Variants in PLEKHG5 observed in about 807,000 individuals in gnomAD.
The protein encoded by PLEKHG5 is pleckstrin homology and RhoGEF domain containing G5, also known as pleckstrin homology domain-containing family G member 5.
Under a neutral mutation model 103.8 loss-of-function variants are expected in PLEKHG5, and 52 were observed. That is an observed-to-expected ratio of 0.50 (90% CI 0.40 to 0.63). The LOEUF is 0.63. Among genes scored for constraint, PLEKHG5 ranks in the 30% least tolerant of loss-of-function variants. PLEKHG5 has a pLI of 0.00. For missense variants in PLEKHG5, 1,205 were observed against 1,347.6 expected (o/e 0.89, Z 1.66); for synonymous variants, 592 against 575.5 (o/e 1.03, Z -0.41).
chr1:6,491,393 G>C lies in PLEKHG5; in HGVS notation c.-88+244C>G, dbSNP rs1231865529. The stretch of plus-strand genomic sequence containing the variant: ...ACTAGGGCAGCTCCTGGCTGGGCCA[G>C]GGATCCCCACGTCTTCACCTGCTCC... On this transcript the variant is annotated intron_variant, in intron 1 of 20. Transcript: ENST00000377728. The surrounding 1 kb of genome is among the most constrained non-coding windows in gnomAD (Gnocchi z 4.1). 6.6e-6 allele frequency among the ~76,000 whole-genome samples: 1 copy of C among 152,168 alleles called. No homozygotes were observed. Among genetic ancestry groups the C allele is most frequent in the Non-Finnish European group, 1.5e-5 (1 of 68,028 alleles).
intron 2 of PLEKHG5, among the ~76,000 whole-genome samples, chr1:6,477,031 C>T (rs1481439976): frequency 1.3e-5 from 2 of 152,164 alleles, no homozygotes; most frequent in Non-Finnish European, 2.9e-5. Flanking sequence ...TCTCACCAGG[C>T]CTGGGTGCCT....
chr1:6,519,771 A>G, exon 1 of PLEKHG5: 1 of 585,250 alleles, frequency 1.7e-6, no homozygotes, highest in South Asian at 2.0e-5. Context: ...TTGAAGGCAC[A>G]GACTTCGCAG....
intron 1 of PLEKHG5, among the ~76,000 whole-genome samples, chr1:6,507,299 T>C (rs1483621906): frequency 2.0e-5 from 3 of 152,162 alleles, no homozygotes; most frequent in Non-Finnish European, 4.4e-5. Context: ...AGAACTTGTA[T>C]TTGACCCCAA....
chr1:6,480,449 G>A (rs1019584894), intron 1 of PLEKHG5, among the ~76,000 whole-genome samples: 17 of 151,308 alleles, frequency 1.1e-4, no homozygotes, highest in Admixed American at 9.2e-4. Flanking sequence ...AGAATTGCTT[G>A]AACCGGGGGC....
chr1:6,474,197 C>A (rs1569876956), intron 6 of PLEKHG5, 33 bp from the exon 7 acceptor site: 3 of 1,611,972 alleles, frequency 1.9e-6, no homozygotes, highest in African/African-American at 1.3e-5. Context: ...ATCCTCAGTA[C>A]CCTGGTCTGG....
intron 11 of PLEKHG5, 47 bp from the exon 12 acceptor site, chr1:6,471,684 A>G (rs750820256): frequency 6.4e-7 from 1 of 1,572,772 alleles, no homozygotes; most frequent in South Asian, 1.2e-5. Context: ...CCGCCAGGTT[A>G]GCCCCGCCCC....
rs546380148 is a variant in PLEKHG5 at position 6,505,716 on chromosome 1, G to C, written c.-164-9147C>G. 6.6e-6 allele frequency among the ~76,000 whole-genome samples: 1 copy of C among 152,368 alleles called. No individual in the cohort carries two copies. The highest frequency in any genetic ancestry group is 1.5e-5 in the Non-Finnish European group (1 of 68,034). The stretch of plus-strand genomic sequence containing the variant: ...AGAAAACACCATGGCCTGATCTTGC[G>C]GGCGGGGTGAGAGCAGAGGCAGAGG... On this transcript the variant is annotated intron_variant, in intron 1 of 21. Transcript: ENST00000377740. This position sits in a 1 kb window ranked among gnomAD's most constrained non-coding sequence, Gnocchi z 4.2.
intron 1 of PLEKHG5, among the ~76,000 whole-genome samples, chr1:6,516,740 T>C (rs1367910165): frequency 7.6e-6 from 1 of 131,558 alleles, no homozygotes; most frequent in Non-Finnish European, 1.6e-5. Flanking sequence ...TGTGTGTATA[T>C]ATATGTGTGT....
intron 1 of PLEKHG5, among the ~76,000 whole-genome samples, chr1:6,507,750 G>A (rs902224661): frequency 2.6e-5 from 4 of 152,206 alleles, no homozygotes; most frequent in Non-Finnish European, 5.9e-5. Flanking sequence ...CGAACCATAT[G>A]CCTGCCTGGC....
rs1227294827 is a variant in PLEKHG5, at chr1:6,490,564, T to G, written c.-88+1073A>C. Reference sequence around the variant, plus strand: ...GACGGGAGCCGCGGGACGGGCTCAGTCGACTCAGCGCAAACTGGGGCGCGG... The same window carrying G: ...GACGGGAGCCGCGGGACGGGCTCAGGCGACTCAGCGCAAACTGGGGCGCGG... On this transcript the variant is annotated intron_variant, in intron 1 of 20. Coordinates refer to ENST00000377728, the MANE Select transcript of PLEKHG5 (RefSeq NM_020631.6). This position sits in a 1 kb window ranked among gnomAD's most constrained non-coding sequence, Gnocchi z 8.0. The G allele has an allele frequency of 4.1e-6, 4 of 985,106 alleles. No homozygotes were observed. The highest frequency in any genetic ancestry group is 4.8e-6 in the Non-Finnish European group (4 of 829,960). The allele number at this position is 985,106 out of a possible 1,614,324, so 61.0% of individuals were successfully genotyped here. A position where few individuals can be genotyped will look rare whatever the true frequency, so the allele number is the denominator to read the frequency against.
At position 6,469,554 on chromosome 1, in the gene PLEKHG5, T is replaced by G; in HGVS notation, c.1923A>C (p.Leu641=). The G allele has an allele frequency of 1.2e-6, 2 of 1,613,840 alleles. No individual in the cohort carries two copies. Among genetic ancestry groups the G allele is most frequent in the Non-Finnish European group, 1.7e-6 (2 of 1,180,030 alleles). The part of the protein sequence containing the change: ...LLVDKIVCRE[L]RDPGSFLLIY... Reference sequence around the variant, plus strand: ...ACCAGGGCTCCTTACCAGGGTCCCGTAGCTCCCGGCACACAATCTTGTCCA... The same window carrying G: ...ACCAGGGCTCCTTACCAGGGTCCCGGAGCTCCCGGCACACAATCTTGTCCA... Residue 641 remains leucine, a synonymous_variant, in exon 17 of 21, where the codon CTA becomes CTC. Coordinates refer to ENST00000377728, the MANE Select transcript of PLEKHG5 (RefSeq NM_020631.6).
At position 6,469,366 on chromosome 1, in the gene PLEKHG5, C is replaced by T. The variant is rs773620744; in HGVS notation, c.2018G>A (p.Arg673His). 8.1e-6 allele frequency: 13 copies of T among 1,614,026 alleles called. No homozygotes were observed. The highest frequency in any genetic ancestry group is 6.6e-5 in the South Asian group (6 of 91,078). Residue 673 changes from arginine to histidine, a missense_variant, in exon 18 of 21, where the codon CGT (arginine) becomes CAT (histidine). Transcript: ENST00000377728. Reference protein sequence around the residue: ...TFQASGQALCRGWVDTIYNAQ... With the variant: ...TFQASGQALCHGWVDTIYNAQ... ...ATTGTAAATGGTGTCCACCCAGCCACGGCACAAGGCCTGGCCACTGGCCTG... is the reference window on the plus strand; with the variant it reads ...ATTGTAAATGGTGTCCACCCAGCCATGGCACAAGGCCTGGCCACTGGCCTG...
intron 1 of PLEKHG5, among the ~76,000 whole-genome samples, chr1:6,515,606 C>G (rs1394761004): frequency 1.3e-5 from 2 of 151,682 alleles, no homozygotes; most frequent in Non-Finnish European, 2.9e-5. Context: ...GTGGGAGAAT[C>G]ATTTGAGGCC....
At chr1:6,519,143 C>T (rs888522789) in intron 1 of PLEKHG5, among the ~76,000 whole-genome samples, 1 of 152,194 alleles carries the variant, frequency 6.6e-6, no homozygotes, top group Non-Finnish European at 1.5e-5. Flanking sequence ...CGCCCAGCAA[C>T]CCTTCGGCAT....
At chr1:6,514,176 T>C (rs1638551762) in intron 1 of PLEKHG5, among the ~76,000 whole-genome samples, 1 of 152,064 alleles carries the variant, frequency 6.6e-6, no homozygotes, top group Non-Finnish European at 1.5e-5. Context: ...AATTAAAAAT[T>C]AGCCAGGCAT....
At chr1:6,504,958 C>G (rs910636932) in intron 1 of PLEKHG5, among the ~76,000 whole-genome samples, 1 of 152,212 alleles carries the variant, frequency 6.6e-6, no homozygotes, top group African/African-American at 2.4e-5. Context: ...CGTCACTCTC[C>G]CTGCCTCTGG....
chr1:6,483,214 C>G (rs1644944782), intron 1 of PLEKHG5, among the ~76,000 whole-genome samples: 1 of 152,194 alleles, frequency 6.6e-6, no homozygotes, highest in Admixed American at 6.5e-5. Context: ...GGTGGCACTC[C>G]AAGCAGGCCC....
At chr1:6,467,732 A>T in intron 20 of PLEKHG5, 93 bp downstream of exon 20, 1 of 1,532,586 alleles carries the variant, frequency 6.5e-7, no homozygotes, top group Non-Finnish European at 9.0e-7. Flanking sequence ...TCCCTCCGCC[A>T]TGACCCTCCC....
At chr1:6,496,453 C>A, upstream of PLEKHG5, 1 of 1,480,088 alleles carries the variant, frequency 6.8e-7, no homozygotes, top group Non-Finnish European at 9.4e-7. Flanking sequence ...GCCCTGGCCC[C>A]TCTGCCCCCG....
Sources: allele counts gnomAD v4.1 joint callset (sites outside exome capture counted in the v4.1 genomes callset), GRCh38; gene constraint gnomAD v4.1.1; non-coding constraint Gnocchi (gnomAD v3.1); transcripts MANE v1.5; gene names NCBI Gene and HGNC (gene_info 2026-07-23, HGNC 2026-07-21).